Variants in NRG4 observed in about 807,000 individuals in gnomAD.
The protein encoded by NRG4 is neuregulin 4.
In NRG4, 10 loss-of-function variants were observed where a neutral mutation model predicts 15.0. The ratio of observed to expected loss-of-function variants is 0.67; its 90% CI spans 0.41 to 1.13. The LOEUF is 1.13. Ranked by LOEUF, NRG4 falls within the 50% of genes most tolerant of loss-of-function variation. The pLI is 0.00. For missense variants in NRG4, 139 were observed against 140.2 expected (o/e 0.99, Z 0.04); for synonymous variants, 41 against 50.1 (o/e 0.82, Z 0.77).
chr15:76,033,779 A>G (rs571880722), intron 5 of NRG4, among the ~76,000 whole-genome samples: 2 of 152,340 alleles, frequency 1.3e-5, no homozygotes, highest in Admixed American at 1.3e-4. Flanking sequence ...CAAACCCAGA[A>G]AAGGGGTTAC....
At position 75,975,663 on chromosome 15, in the gene NRG4, G is replaced by A. The variant is rs182206219; in HGVS notation, c.105-13689C>T. 2.8e-3 allele frequency among the ~76,000 whole-genome samples: 430 copies of A among 152,298 alleles called. 2 individuals carry two copies. Among genetic ancestry groups the A allele is most frequent in the African/African-American group, 9.7e-3 (404 of 41,562 alleles). ...GTTGAAAATTCTTTTCTTTAAGAAT[G>A]TTGGATATTGGCCCCCGCTCTCTTC... is the stretch of plus-strand genomic sequence containing the variant. On this transcript the variant is annotated intron_variant, in intron 3 of 5. Transcript: ENST00000394907.
In NRG4 at chr15:76,054,855, A is replaced by G. The variant is rs148489004; in HGVS notation, c.-261-1872T>C. Among the ~76,000 whole-genome samples, 104 of 152,374 alleles carry G rather than the reference A, an allele frequency of 6.8e-4. 1 individual carries two copies. The highest frequency in any genetic ancestry group is 2.4e-3 in the African/African-American group (100 of 41,596). On this transcript the variant is annotated intron_variant, in intron 2 of 8. Transcript: ENST00000563910. ...TCAAAAAATAAAAAACACATATGCCAATGTACTGGTTTGTTTGCAGTACTA... is the reference window on the plus strand; with the variant it reads ...TCAAAAAATAAAAAACACATATGCCGATGTACTGGTTTGTTTGCAGTACTA...
At chr15:75,955,348 C>T (rs972542819) in intron 5 of NRG4, among the ~76,000 whole-genome samples, 1 of 152,184 alleles carries the variant, frequency 6.6e-6, no homozygotes, top group Non-Finnish European at 1.5e-5. Flanking sequence ...TAATCTAAGG[C>T]AATCATTGGC....
chr15:75,989,394 G>A (rs1455171772), intron 3 of NRG4, among the ~76,000 whole-genome samples: 1 of 151,986 alleles, frequency 6.6e-6, no homozygotes, highest in East Asian at 1.9e-4. Context: ...CTTAGAATAT[G>A]TAAGATCCTG....
Position 75,977,740 on chromosome 15 carries a change from A to C in NRG4, c.105-15766T>G, listed in dbSNP as rs1488677113. Among the ~76,000 whole-genome samples the C allele has an allele frequency of 6.6e-6, 1 of 151,926 alleles. No individual in the cohort carries two copies. Among genetic ancestry groups the C allele is most frequent in the Non-Finnish European group, 1.5e-5 (1 of 67,942 alleles). On this transcript the variant is annotated intron_variant, in intron 3 of 5. Transcript: ENST00000394907. This position sits in a 1 kb window ranked among gnomAD's most constrained non-coding sequence, Gnocchi z 4.9. ...GCATTGGTCTCGCTGGGAGCTGCAG[A>C]CCAGAGCTGTTCCTATTTGGCCATC... is the stretch of plus-strand genomic sequence containing the variant.
chr15:75,965,108 C>T (rs1437045042), intron 3 of NRG4, among the ~76,000 whole-genome samples: 1 of 151,868 alleles, frequency 6.6e-6, no homozygotes, highest in Non-Finnish European at 1.5e-5. Flanking sequence ...CGCCTGCAGT[C>T]CCAGCTACTT....
chr15:75,973,783 G>T (rs1190537075), intron 3 of NRG4, among the ~76,000 whole-genome samples: 1 of 152,076 alleles, frequency 6.6e-6, no homozygotes, highest in African/African-American at 2.4e-5. Flanking sequence ...ATTTTATTGA[G>T]GATTTTCATA....
chr15:75,952,925 A>C (rs977321154), intron 5 of NRG4, among the ~76,000 whole-genome samples: 2 of 152,154 alleles, frequency 1.3e-5, no homozygotes, highest in African/African-American at 4.8e-5. Context: ...TATAAGTCTC[A>C]TATGTATGAT....
At chr15:76,014,579 A>G (rs2034918751), upstream of NRG4, among the ~76,000 whole-genome samples, 1 of 152,218 alleles carries the variant, frequency 6.6e-6, no homozygotes, top group African/African-American at 2.4e-5. Flanking sequence ...CAATTTTCCC[A>G]ACACCATTTA....
At chr15:75,964,185 G>A (rs1427857647) in intron 3 of NRG4, among the ~76,000 whole-genome samples, 1 of 151,962 alleles carries the variant, frequency 6.6e-6, no homozygotes, top group Non-Finnish European at 1.5e-5. Flanking sequence ...ATAGAAAGTT[G>A]ACATAGAGAC....
intron 4 of NRG4, among the ~76,000 whole-genome samples, chr15:76,039,699 TA>T (rs1440259998): frequency 2.0e-5 from 3 of 152,076 alleles, no homozygotes; most frequent in Non-Finnish European, 4.4e-5. Context: ...TTCAAAGGGA[TA>T]ATAAGAGAGA....
intron 4 of NRG4, among the ~76,000 whole-genome samples, chr15:76,049,267 C>T (rs2035942180): frequency 6.6e-6 from 1 of 150,756 alleles, no homozygotes; most frequent in Non-Finnish European, 1.5e-5. Flanking sequence ...AACTGGTCAT[C>T]CTTAACATCT....
chr15:76,053,995 T>C (rs2036088659), intron 2 of NRG4, among the ~76,000 whole-genome samples: 1 of 151,024 alleles, frequency 6.6e-6, no homozygotes, highest in African/African-American at 2.5e-5. Context: ...ATTCCAAATA[T>C]CAAACACATA....
At chr15:76,018,727 G>A (rs968202568) in intron 5 of NRG4, among the ~76,000 whole-genome samples, 1 of 152,222 alleles carries the variant, frequency 6.6e-6, no homozygotes, top group Non-Finnish European at 1.5e-5. Flanking sequence ...GCATCCGCCA[G>A]ATGCCGGCTG....
At chr15:75,983,032 G>C (rs555836956) in intron 3 of NRG4, among the ~76,000 whole-genome samples, 120 of 152,170 alleles carry the variant, frequency 7.9e-4, no homozygotes, top group Non-Finnish European at 1.6e-3. Flanking sequence ...ATAGCATTTA[G>C]AATATCCATA....
At chr15:75,991,329 C>T (rs968913723) in intron 3 of NRG4, among the ~76,000 whole-genome samples, 1 of 152,142 alleles carries the variant, frequency 6.6e-6, no homozygotes, top group Non-Finnish European at 1.5e-5. Context: ...ATTTTATATA[C>T]ATTTTCTATG....
At chr15:76,057,044 C>G (rs1261938779) in intron 1 of NRG4, 1 of 152,198 alleles carries the variant, frequency 6.6e-6, no homozygotes, top group Non-Finnish European at 1.5e-5. Context: ...ATATACCAAG[C>G]TTAAACCCAC....
At chr15:75,948,126 A>T (rs981810727) in intron 5 of NRG4, among the ~76,000 whole-genome samples, 12 of 152,098 alleles carry the variant, frequency 7.9e-5, no homozygotes, top group Non-Finnish European at 1.6e-4. Flanking sequence ...CACTCTGCTG[A>T]TAGTGTCTTT....
At chr15:76,057,785 AT>A (rs1330694421) in intron 1 of NRG4, among the ~76,000 whole-genome samples, 2 of 151,592 alleles carry the variant, frequency 1.3e-5, no homozygotes, top group Non-Finnish European at 2.9e-5. Flanking sequence ...TTAGCATGTA[AT>A]TTTCAATACA....
Sources: gnomAD v4.1 joint callset for allele counts (sites outside exome capture counted in the v4.1 genomes callset) on GRCh38, gnomAD v4.1.1 for gene constraint, Gnocchi (gnomAD v3.1) non-coding constraint, MANE v1.5 for transcripts, NCBI Gene and HGNC (gene_info 2026-07-23, HGNC 2026-07-21) for gene names.